The following RBFOX1 variants were observed in gnomAD, a reference collection of about 807,000 sequenced individuals.
RBFOX1 encodes RNA binding fox-1 homolog 1.
In RBFOX1, 8 loss-of-function variants were observed where a neutral mutation model predicts 57.7. The ratio of observed to expected loss-of-function variants is 0.14; its 90% confidence interval spans 0.08 to 0.25. The LOEUF (loss-of-function observed/expected upper bound fraction) is 0.25, where lower values mean the gene tolerates loss of function less well. Ranked by LOEUF, RBFOX1 falls within the 10% of genes least tolerant of loss-of-function variation. The pLI, the probability that RBFOX1 is intolerant of heterozygous loss-of-function variation, is 1.00. For synonymous variants in RBFOX1, 326 were observed against 222.4 expected, an observed-to-expected ratio of 1.47 and a Z score of -4.15; for missense variants, 611 against 548.5, an observed-to-expected ratio of 1.11 and a Z score of -1.14.
At chr16:5,817,192 T>G (rs375025807) in intron 3 of RBFOX1, among the ~76,000 whole-genome samples, 60 of 152,200 alleles carry the variant, frequency 3.9e-4, no homozygotes, top group Middle Eastern at 6.8e-3. Context: ...GTGTGTGTGT[T>G]TGTGTGTGTG....
chr16:6,432,637 G>A (rs370703851), intron 2 of RBFOX1, among the ~76,000 whole-genome samples: 26 of 152,164 alleles, frequency 1.7e-4, no homozygotes, highest in African/African-American at 5.5e-4. Context: ...AGCCGAGATC[G>A]CAGCACTGCA....
chr16:7,664,007 A>C (rs531395008), intron 12 of RBFOX1, among the ~76,000 whole-genome samples: 10 of 152,230 alleles, frequency 6.6e-5, no homozygotes, highest in African/African-American at 1.9e-4. Flanking sequence ...TGGTCACTAC[A>C]TGGGTGGCAA....
chr16:5,595,266 C>T (rs2047144999), intron 2 of RBFOX1, among the ~76,000 whole-genome samples: 3 of 152,188 alleles, frequency 2.0e-5, no homozygotes, highest in Admixed American at 2.0e-4. Context: ...CTGACACCAG[C>T]CCATGACAAA....
chr16:5,397,036 A>G (rs1014307508), intron 1 of RBFOX1, among the ~76,000 whole-genome samples: 2 of 152,188 alleles, frequency 1.3e-5, no homozygotes, highest in Non-Finnish European at 2.9e-5. Flanking sequence ...GGCCATCCCT[A>G]CCAAAGGTCA....
At chr16:5,853,080 G>T (rs1029231493) in intron 3 of RBFOX1, among the ~76,000 whole-genome samples, 3 of 152,116 alleles carry the variant, frequency 2.0e-5, no homozygotes, top group African/African-American at 7.2e-5. Context: ...TAGGAAAAGA[G>T]ACTATGGATA....
At chr16:6,218,315 T>G (rs1290777319) in intron 1 of RBFOX1, among the ~76,000 whole-genome samples, 1 of 152,074 alleles carries the variant, frequency 6.6e-6, no homozygotes, top group East Asian at 1.9e-4. Flanking sequence ...ACTTATTTAT[T>G]TATTGTTTTT....
At chr16:7,460,778 G>T (rs946540914) in intron 4 of RBFOX1, among the ~76,000 whole-genome samples, 3 of 152,072 alleles carry the variant, frequency 2.0e-5, no homozygotes, top group African/African-American at 4.8e-5. Flanking sequence ...AAAAGCTATT[G>T]TGTTGAAGAA....
intron 4 of RBFOX1, among the ~76,000 whole-genome samples, chr16:7,410,280 A>G (rs1597727411): frequency 6.6e-6 from 1 of 152,244 alleles, no homozygotes; most frequent in African/African-American, 2.4e-5. Flanking sequence ...ACTGTCTATT[A>G]CAGATACTGT....
At chr16:5,247,202 T>C (rs1348194950) in intron 1 of RBFOX1, among the ~76,000 whole-genome samples, 1 of 152,204 alleles carries the variant, frequency 6.6e-6, no homozygotes, top group East Asian at 1.9e-4. Context: ...AGATTCACTC[T>C]AAGTCTAGAT....
In RBFOX1 at chr16:7,282,198, C is replaced by T. The variant is rs572138171; in HGVS notation, c.27+230100C>T. Among the ~76,000 whole-genome samples the T allele has an allele frequency of 3.3e-5, 5 of 152,224 alleles. No individual in the cohort carries two copies. The East Asian group carries it at 9.7e-4, about 29-fold the overall frequency. On this transcript the variant is annotated intron_variant, in intron 4 of 15. Coordinates refer to ENST00000550418, the MANE Select transcript of RBFOX1 (RefSeq NM_018723.4). ...ATGTCTGAAAAGGGAGGACAGAATC[C>T]ACCACTCACCGCCCCAAACCCATTT...
At chr16:7,624,013 G>C (rs866875772) in intron 10 of RBFOX1, among the ~76,000 whole-genome samples, 1 of 152,158 alleles carries the variant, frequency 6.6e-6, no homozygotes, top group Non-Finnish European at 1.5e-5. Context: ...GGAAGGACTC[G>C]ATGAAATGAG....
At chr16:6,955,719 T>A (rs896998752) in intron 3 of RBFOX1, among the ~76,000 whole-genome samples, 14 of 127,886 alleles carry the variant, frequency 1.1e-4, no homozygotes, top group African/African-American at 4.2e-4. Context: ...TTATTTATTT[T>A]TGAGAGGGAG....
intron 1 of RBFOX1, among the ~76,000 whole-genome samples, chr16:6,218,422 C>T (rs1355610208): frequency 6.6e-6 from 1 of 152,082 alleles, no homozygotes. Context: ...GATTCTTGTG[C>T]CTTAGCCTGC....
At chr16:7,092,328 A>G (rs1469564918) in intron 4 of RBFOX1, among the ~76,000 whole-genome samples, 1 of 152,224 alleles carries the variant, frequency 6.6e-6, no homozygotes, top group Non-Finnish European at 1.5e-5. Context: ...TCTCCATTTC[A>G]GATACATTAA....
At chr16:6,880,934 G>T (rs2062808092) in intron 3 of RBFOX1, among the ~76,000 whole-genome samples, 1 of 152,180 alleles carries the variant, frequency 6.6e-6, no homozygotes, top group Non-Finnish European at 1.5e-5. Flanking sequence ...AGATGTAAAT[G>T]CTACATTAGG....
intron 3 of RBFOX1, among the ~76,000 whole-genome samples, chr16:6,856,741 A>G (rs746779341): frequency 6.6e-6 from 1 of 152,166 alleles, no homozygotes; most frequent in Non-Finnish European, 1.5e-5. Context: ...TGAGGCAATA[A>G]TGATGATCCA....
At chr16:5,967,453 C>G (rs895675464) in intron 4 of RBFOX1, among the ~76,000 whole-genome samples, 1 of 152,080 alleles carries the variant, frequency 6.6e-6, no homozygotes, top group African/African-American at 2.4e-5. Flanking sequence ...CCAAGAAGCC[C>G]TGATTTCTTT....
chr16:6,497,159 C>A (rs1406485298), intron 2 of RBFOX1, among the ~76,000 whole-genome samples: 1 of 152,126 alleles, frequency 6.6e-6, no homozygotes, highest in African/African-American at 2.4e-5. Context: ...ATGGAGTGGA[C>A]TGGGAACTTG....
intron 1 of RBFOX1, among the ~76,000 whole-genome samples, chr16:6,148,429 A>C (rs1206738487): frequency 1.3e-5 from 2 of 152,226 alleles, no homozygotes; most frequent in African/African-American, 2.4e-5. Context: ...TTCTAGTCTT[A>C]GAATTTTGTT....
Sources: allele counts gnomAD v4.1 joint callset (sites outside exome capture counted in the v4.1 genomes callset), GRCh38; gene constraint gnomAD v4.1.1; transcripts MANE v1.5; gene names NCBI Gene and HGNC (gene_info 2026-07-23, HGNC 2026-07-21).